The following TTC38 variants were observed in gnomAD, a reference collection of about 807,000 sequenced individuals.
TTC38 encodes the protein tetratricopeptide repeat domain 38, also known as tetratricopeptide repeat protein 38.
A neutral mutation model predicts 64.2 loss-of-function variants in TTC38; 64 were observed. The ratio of observed to expected loss-of-function variants is 1.00; its 90% confidence interval spans 0.81 to 1.23. The LOEUF is 1.23. Ranked by LOEUF, TTC38 falls within the 50% of genes most tolerant of loss-of-function variation. TTC38 has a pLI of 0.00. For synonymous variants in TTC38, 254 were observed against 249.3 expected (o/e 1.02, Z -0.18); for missense variants, 573 against 615.5 (o/e 0.93, Z 0.73).
At position 46,287,123 on chromosome 22, in the gene TTC38, C is replaced by T. The variant is rs776691585; in HGVS notation, c.885C>T (p.Ser295=). The part of the protein sequence containing the change: ...ANDAMLDVVD[S]CSMLYRLQME... ...ATGCAATGCTGGACGTGGTGGACAGCTGCTCCATGCTCTACCGCCTGCAGA... is the reference window on the plus strand; with the variant it reads ...ATGCAATGCTGGACGTGGTGGACAGTTGCTCCATGCTCTACCGCCTGCAGA... Residue 295 remains serine, a synonymous_variant, in exon 10 of 14, where the codon AGC becomes AGT. Coordinates refer to ENST00000381031, the MANE Select transcript of TTC38 (RefSeq NM_017931.4). 33 of 1,605,276 alleles carry T rather than the reference C, an allele frequency of 2.1e-5. No individual in the cohort carries two copies. Among genetic ancestry groups the T allele is most frequent in the Non-Finnish European group, 1.9e-5 (22 of 1,176,162 alleles).
rs2077488110 is a variant in TTC38, at chr22:46,276,494, T to C, written c.539+1073T>C. Among the ~76,000 whole-genome samples, 1 of 151,790 alleles carries C rather than the reference T, an allele frequency of 6.6e-6. No homozygotes were observed. The highest frequency in any genetic ancestry group is 6.6e-5 in the Admixed American group (1 of 15,214). On this transcript the variant is annotated intron_variant, in intron 5 of 13. Transcript: ENST00000381031. The surrounding 1 kb of genome is among the most constrained non-coding windows in gnomAD (Gnocchi z 4.7). ...TTGAGCCCAGGAGTTTGAGATAAGCTTGGTCAACATGGCAAGACTCTGTCT... is the reference window on the plus strand; with the variant it reads ...TTGAGCCCAGGAGTTTGAGATAAGCCTGGTCAACATGGCAAGACTCTGTCT...
chr22:46,287,050 G>T, intron 9 of TTC38, 23 bp from the exon 10 acceptor site: 1 of 1,582,404 alleles, frequency 6.3e-7, no homozygotes. Flanking sequence ...CGCTGAGCCC[G>T]CCTTGGCCGC....
rs941707020 is a variant in TTC38 at position 46,288,672 on chromosome 22, C to G, written c.1082+84C>G. ...TGCTAGGGCCATGCTGAGACCTGTTCAGTGCCTGCCCCGCCTGTGAGTGCA... is the reference window on the plus strand; with the variant it reads ...TGCTAGGGCCATGCTGAGACCTGTTGAGTGCCTGCCCCGCCTGTGAGTGCA... On this transcript the variant is annotated intron_variant, in intron 11 of 13. Coordinates refer to ENST00000381031, the MANE Select transcript of TTC38 (RefSeq NM_017931.4). 10 of 1,349,062 alleles carry G rather than the reference C, an allele frequency of 7.4e-6. No individual in the cohort carries two copies. In the African/African-American group the frequency reaches 1.2e-4, roughly 16 times the overall value. 83.6% of individuals were successfully genotyped at this position (1,349,062 alleles called of 1,614,324 possible). A position where few individuals can be genotyped will look rare whatever the true frequency, so the allele number is the denominator to read the frequency against.
rs141351242 is a variant in TTC38 at position 46,282,734 on chromosome 22, C to T, written c.735+1016C>T. ...GGGCACTCTAGCTTGTTGAGGATCA[C>T]GAGTCCAGTCTCCTGAGCTTGGAAA... On this transcript the variant is annotated intron_variant, in intron 7 of 13. Coordinates refer to ENST00000381031, the MANE Select transcript of TTC38 (RefSeq NM_017931.4). This position sits in a 1 kb window ranked among gnomAD's most constrained non-coding sequence, Gnocchi z 4.4. 2.0e-5 allele frequency among the ~76,000 whole-genome samples: 3 copies of T among 152,192 alleles called. No homozygotes were observed. The highest frequency in any genetic ancestry group is 1.9e-4 in the East Asian group (1 of 5,170).
chr22:46,272,211 G>C lies in TTC38; in HGVS notation c.112-124G>C. 1.5e-6 allele frequency: 1 copy of C among 684,546 alleles called. No individual in the cohort carries two copies. The highest frequency in any genetic ancestry group is 2.4e-5 in the Admixed American group (1 of 41,796). 42.4% of individuals were successfully genotyped at this position (684,546 alleles called of 1,614,324 possible). A position where few individuals can be genotyped will look rare whatever the true frequency, so the allele number is the denominator to read the frequency against. On this transcript the variant is annotated intron_variant, in intron 2 of 13. Transcript: ENST00000381031. This position sits in a 1 kb window ranked among gnomAD's most constrained non-coding sequence, Gnocchi z 6.4. ...TTACCGTGTTGGTCAGGCTGGTCTC[G>C]AACTCCTGACCTCAGATGTTCTGCC...
chr22:46,285,265 A>C lies in TTC38; in HGVS notation c.820A>C (p.Ile274Leu). 6.2e-7 allele frequency: 1 copy of C among 1,614,202 alleles called. No individual in the cohort carries two copies. Among genetic ancestry groups the C allele is most frequent in the Non-Finnish European group, 8.5e-7 (1 of 1,180,018 alleles). ...GGGCGAATATGAGGCCGCGCTGACC[A>C]TCTACGATACCCACGTAAGTTGCAT... is the stretch of plus-strand genomic sequence containing the variant. ...EKGEYEAALT[I>L]YDTHILPSLQ... The change falls in exon 9 of 14, where the codon ATC (isoleucine) becomes CTC (leucine). Residue 274 changes from isoleucine to leucine, a missense_variant. Physicochemically the swap from Ile to Leu is conservative, Grantham distance 5. This residue lies in a region of TTC38 where 371 missense variants were observed against 381.8 expected (regional missense o/e 0.97). Coordinates refer to ENST00000381031, the MANE Select transcript of TTC38 (RefSeq NM_017931.4).
chr22:46,280,870 C>T (rs918468687), intron 6 of TTC38, among the ~76,000 whole-genome samples: 81 of 152,258 alleles, frequency 5.3e-4, no homozygotes, highest in African/African-American at 1.9e-3. Flanking sequence ...CTTCTGTGAG[C>T]CTCAGTTTAC....
At chr22:46,269,250 C>T (rs1003660585) in intron 2 of TTC38, 8 of 312,020 alleles carry the variant, frequency 2.6e-5, no homozygotes, top group Non-Finnish European at 4.0e-5. Context: ...ATGCAGGGCT[C>T]GGCTGCTTAG....
chr22:46,283,892 G>C (rs1375886470), intron 7 of TTC38, 81 bp from the exon 8 acceptor site: 3 of 609,572 alleles, frequency 4.9e-6, no homozygotes, highest in Non-Finnish European at 8.2e-6. Flanking sequence ...GATGGTTTCT[G>C]CATTAGCACA....
intron 2 of TTC38, chr22:46,269,227 T>C: frequency 3.0e-6 from 1 of 338,510 alleles, no homozygotes; most frequent in Non-Finnish European, 6.1e-6. Flanking sequence ...CATTGTGGCC[T>C]GCTGAGGGTC....
rs756311412 is a variant in TTC38 at position 46,285,206 on chromosome 22, T to C, written c.796-35T>C. The C allele has an allele frequency of 3.1e-6, 5 of 1,611,316 alleles. No individual in the cohort carries two copies. In the African/African-American group the frequency reaches 4.0e-5, roughly 13 times the overall value. On this transcript the variant is annotated intron_variant, in intron 8 of 13. Transcript: ENST00000381031. ...CGTGCCAGCATTACACTTTGCCTTCTCCAGGGTTTAATAAGGAGAACTTTA... is the reference window on the plus strand; with the variant it reads ...CGTGCCAGCATTACACTTTGCCTTCCCCAGGGTTTAATAAGGAGAACTTTA...
rs2077619228 is a variant in TTC38, at chr22:46,291,931, G to A, written c.1317-860G>A. ...AGATCGCGTCATTGCACTCCAGCCT[G>A]AGTGACCGAGGGAGATTCTATCTCA... On this transcript the variant is annotated intron_variant, in intron 13 of 13. Coordinates refer to ENST00000381031, the MANE Select transcript of TTC38 (RefSeq NM_017931.4). This position sits in a 1 kb window ranked among gnomAD's most constrained non-coding sequence, Gnocchi z 4.6. Among the ~76,000 whole-genome samples, 1 of 151,944 alleles carries A rather than the reference G, an allele frequency of 6.6e-6. No individual in the cohort carries two copies. Among genetic ancestry groups the A allele is most frequent in the African/African-American group, 2.4e-5 (1 of 41,196 alleles).
intron 9 of TTC38, among the ~76,000 whole-genome samples, chr22:46,285,605 AAT>A (rs2077565883): frequency 6.8e-6 from 1 of 147,154 alleles, no homozygotes; most frequent in African/African-American, 2.7e-5. Context: ...TACCCATAGG[AAT>A]TTTTTTTTTT....
In TTC38 at chr22:46,289,410, G is replaced by T. The variant is rs1310091261; in HGVS notation, c.1091G>T (p.Gly364Val). Residue 364 changes from glycine to valine, a missense_variant, in exon 12 of 14, where the codon GGG becomes GTG. Coordinates refer to ENST00000381031, the MANE Select transcript of TTC38 (RefSeq NM_017931.4). Reference protein sequence around the residue: ...TTLRDASESPGENCQHLLARD... With the variant: ...TTLRDASESPVENCQHLLARD... The stretch of plus-strand genomic sequence containing the variant: ...CCGTCTTGGGTTCGCAGATCCCCAG[G>T]GGAGAACTGCCAGCACCTCCTGGCC... The T allele has an allele frequency of 6.2e-7, 1 of 1,608,822 alleles. No homozygotes were observed. Among genetic ancestry groups the T allele is most frequent in the Non-Finnish European group, 8.5e-7 (1 of 1,179,536 alleles).
chr22:46,291,938 C>T lies in TTC38; in HGVS notation c.1317-853C>T, dbSNP rs1569028880. On this transcript the variant is annotated intron_variant, in intron 13 of 13. Coordinates refer to ENST00000381031, the MANE Select transcript of TTC38 (RefSeq NM_017931.4). This position sits in a 1 kb window ranked among gnomAD's most constrained non-coding sequence, Gnocchi z 4.6. Reference sequence around the variant, plus strand: ...GTCATTGCACTCCAGCCTGAGTGACCGAGGGAGATTCTATCTCAAAAAATT... The same window carrying T: ...GTCATTGCACTCCAGCCTGAGTGACTGAGGGAGATTCTATCTCAAAAAATT... Among the ~76,000 whole-genome samples the T allele has an allele frequency of 6.6e-6, 1 of 151,168 alleles. No individual in the cohort carries two copies. The highest frequency in any genetic ancestry group is 1.5e-5 in the Non-Finnish European group (1 of 67,992).
At chr22:46,288,781 A>G (rs9627387) in intron 11 of TTC38, among the ~76,000 whole-genome samples, 193 bp downstream of exon 11, 35,795 of 152,110 alleles carry the variant, frequency 0.24, 6,777 homozygotes, top group African/African-American at 0.52. Context: ...CAAGGTGTGT[A>G]CACCCACAGC....
At chr22:46,283,551 C>T (rs1484748554) in intron 7 of TTC38, among the ~76,000 whole-genome samples, 1 of 152,060 alleles carries the variant, frequency 6.6e-6, no homozygotes, top group East Asian at 1.9e-4. Flanking sequence ...TTCCTGCACT[C>T]AAAGATGATG....
chr22:46,268,514 G>A lies in TTC38; in HGVS notation c.34G>A (p.Ala12Thr). 2 of 1,614,092 alleles carry A rather than the reference G, an allele frequency of 1.2e-6. No homozygotes were observed. Among genetic ancestry groups the A allele is most frequent in the Non-Finnish European group, 8.5e-7 (1 of 1,180,028 alleles). Residue 12 changes from alanine (A) to threonine (T), a missense_variant and splice_region_variant, in exon 2 of 14, where the codon GCC (alanine) becomes ACC (threonine). Ala to Thr is a moderately conservative substitution (Grantham distance 58). Coordinates refer to ENST00000381031, the MANE Select transcript of TTC38 (RefSeq NM_017931.4). ...AAASPLRDCQ[A>T]WKDARLPLST... ...GCTATTCCCTTCTTGCCGTCTGTAG[G>A]CCTGGAAGGATGCGAGGCTCCCGCT...
rs1310091261 is a variant in TTC38 at position 46,289,410 on chromosome 22, G to C, written c.1091G>C (p.Gly364Ala). Residue 364 changes from glycine (G) to alanine (A), a missense_variant, in exon 12 of 14, where the codon GGG becomes GCG. Transcript: ENST00000381031. ...CCGTCTTGGGTTCGCAGATCCCCAG[G>C]GGAGAACTGCCAGCACCTCCTGGCC... ...TTLRDASESP[G>A]ENCQHLLARD... 3 of 1,608,704 alleles carry C rather than the reference G, an allele frequency of 1.9e-6. No homozygotes were observed. Among genetic ancestry groups the C allele is most frequent in the East Asian group, 2.2e-5 (1 of 44,872 alleles).
Sources: gnomAD v4.1 joint callset for allele counts (sites outside exome capture counted in the v4.1 genomes callset) on GRCh38, gnomAD v4.1.1 for gene constraint, gnomAD v4.1.1 regional missense constraint, Gnocchi (gnomAD v3.1) non-coding constraint, MANE v1.5 for transcripts, NCBI Gene and HGNC (gene_info 2026-07-23, HGNC 2026-07-21) for gene names.